NPIPB8: variants seen among roughly 807,000 people sequenced by gnomAD.
NPIPB8 encodes the protein nuclear pore complex-interacting protein family member B8.
Under a neutral mutation model 5.3 loss-of-function variants are expected in NPIPB8, and 3 were observed. The observed-to-expected ratio is 0.57, with a 90% CI of 0.26 to 1.47. NPIPB8 has a LOEUF of 1.47. Ranked by LOEUF, NPIPB8 falls within the 40% of genes most tolerant of loss-of-function variation. NPIPB8 has a pLI of 0.13. For synonymous variants in NPIPB8, 18 were observed against 23.0 expected, an observed-to-expected ratio of 0.78 and a Z score of 0.62; for missense variants, 50 against 50.2, an observed-to-expected ratio of 1.00 and a Z score of 0.01.
intron 2 of NPIPB8, among the ~76,000 whole-genome samples, chr16:28,640,974 TCTC>T (rs2047885644): frequency 6.6e-6 from 1 of 152,064 alleles, no homozygotes; most frequent in African/African-American, 2.4e-5. Context: ...TTCCTGCAAG[TCTC>T]CTGTTCCTTT....
chr16:28,652,546 T>C (rs2048058035), intron 5 of NPIPB8, among the ~76,000 whole-genome samples, 182 bp downstream of exon 5: 1 of 95,342 alleles, frequency 1.0e-5, no homozygotes, highest in Non-Finnish European at 2.1e-5. Context: ...TCCTACATTC[T>C]TGTTTGTAAT....
intron 3 of NPIPB8, among the ~76,000 whole-genome samples, chr16:28,651,628 G>A (rs1369879259): frequency 1.2e-5 from 1 of 81,658 alleles, no homozygotes; most frequent in Non-Finnish European, 2.4e-5. Context: ...GTGTGTGTGT[G>A]TGTGTGTGTG....
At position 28,638,492 on chromosome 16, in the gene NPIPB8, C is replaced by T. The variant is rs1266750733; in HGVS notation, c.120+12C>T. On this transcript the variant is annotated intron_variant, in intron 2 of 7. Transcript: ENST00000683297. ...AGTACCTGAGGAAGGTGAGTGAGTG[C>T]AGACAAGATGGGGCCTGGTGCCCTT... 7 of 1,551,202 alleles carry T rather than the reference C, an allele frequency of 4.5e-6. No homozygotes were observed. The highest frequency in any genetic ancestry group is 2.3e-5 in the East Asian group (1 of 44,140).
chr16:28,642,966 T>C (rs993202969), intron 2 of NPIPB8, among the ~76,000 whole-genome samples: 18 of 152,336 alleles, frequency 1.2e-4, no homozygotes, highest in East Asian at 5.8e-4. Flanking sequence ...AGTTTGGGCA[T>C]ACTCTGTGTG....
intron 5 of NPIPB8, among the ~76,000 whole-genome samples, 156 bp downstream of exon 5, chr16:28,652,520 T>C (rs1441803780): frequency 1.0e-5 from 1 of 99,408 alleles, no homozygotes; most frequent in East Asian, 2.3e-4. Context: ...GTTTAAGCTG[T>C]ATAATTCCTT....
chr16:28,642,392 C>A (rs1358686772), intron 2 of NPIPB8, among the ~76,000 whole-genome samples: 2 of 152,104 alleles, frequency 1.3e-5, no homozygotes, highest in Non-Finnish European at 2.9e-5. Context: ...GTGTGAGCCA[C>A]CATGCCCAGC....
chr16:28,639,495 C>A (rs2047855837), intron 2 of NPIPB8, among the ~76,000 whole-genome samples: 1 of 127,698 alleles, frequency 7.8e-6, no homozygotes, highest in East Asian at 2.2e-4. Context: ...TTCACTCTGT[C>A]CCCCAGGCTG....
intron 2 of NPIPB8, 24 bp downstream of exon 2, chr16:28,638,504 G>A (rs1397194680): frequency 1.9e-6 from 3 of 1,542,324 alleles, no homozygotes; most frequent in South Asian, 1.1e-5. Context: ...GACAAGATGG[G>A]GCCTGGTGCC....
At chr16:28,642,311 G>A (rs952685924) in intron 2 of NPIPB8, among the ~76,000 whole-genome samples, 1 of 151,572 alleles carries the variant, frequency 6.6e-6, no homozygotes, top group African/African-American at 2.4e-5. Flanking sequence ...TCACCATGTT[G>A]GTCAGGCTGG....
intron 2 of NPIPB8, among the ~76,000 whole-genome samples, chr16:28,640,205 T>C (rs1408441542): frequency 1.3e-5 from 2 of 152,002 alleles, no homozygotes; most frequent in South Asian, 2.1e-4. Context: ...GTGGGGTAGA[T>C]GGTGCATGCC....
chr16:28,652,897 C>A lies in NPIPB8; in HGVS notation c.599+533C>A, dbSNP rs920838773. On this transcript the variant is annotated intron_variant, in intron 5 of 7. Coordinates refer to ENST00000683297, the MANE Select transcript of NPIPB8 (RefSeq NM_001310136.2). ...GATTAGAGGTGTGAGCCACCACACC[C>A]AGGCTTTTTTTTTTTTTTTTTTTAA... 1.0e-3 allele frequency among the ~76,000 whole-genome samples: 132 copies of A among 132,232 alleles called. 1 individual carries two copies. In the East Asian group the frequency reaches 0.025, roughly 25 times the overall value. The allele number at this position is 132,232 out of a possible 152,430, so 86.7% of individuals were successfully genotyped here.
At chr16:28,647,819 A>AGT (rs1400910241) in intron 2 of NPIPB8, among the ~76,000 whole-genome samples, 1 of 63,562 alleles carries the variant, frequency 1.6e-5, no homozygotes, top group East Asian at 5.6e-4. Flanking sequence ...TGTTAGTGTT[A>AGT]GTGTATGTTA....
chr16:28,641,001 TG>T (rs2047886102), intron 2 of NPIPB8, among the ~76,000 whole-genome samples: 3 of 152,110 alleles, frequency 2.0e-5, no homozygotes, highest in South Asian at 4.1e-4. Flanking sequence ...ATTGCACAGG[TG>T]AGAGTGCTCA....
chr16:28,641,661 G>A (rs977641794), intron 2 of NPIPB8, among the ~76,000 whole-genome samples: 1 of 132,492 alleles, frequency 7.5e-6, no homozygotes, highest in Non-Finnish European at 1.7e-5. Context: ...GATGCCCTTG[G>A]GAGGTGATGA....
intron 2 of NPIPB8, among the ~76,000 whole-genome samples, chr16:28,642,353 C>A (rs1050181376): frequency 6.6e-6 from 1 of 152,122 alleles, no homozygotes; most frequent in African/African-American, 2.4e-5. Context: ...ATCCACCTAC[C>A]TCAGCCTCCC....
At chr16:28,644,975 TAACA>T (rs1295936430) in intron 2 of NPIPB8, among the ~76,000 whole-genome samples, 2 of 104,182 alleles carry the variant, frequency 1.9e-5, no homozygotes, top group Non-Finnish European at 4.1e-5. Flanking sequence ...CTCTTGTCTC[TAACA>T]AACAAAATGG....
intron 2 of NPIPB8, among the ~76,000 whole-genome samples, chr16:28,642,762 G>A (rs1019239399): frequency 9.2e-5 from 14 of 151,908 alleles, no homozygotes; most frequent in Admixed American, 2.6e-4. Flanking sequence ...GATTACAGGC[G>A]TGAGCCACCA....
intron 2 of NPIPB8, among the ~76,000 whole-genome samples, chr16:28,641,093 G>T (rs903201234): frequency 6.6e-6 from 1 of 151,852 alleles, no homozygotes; most frequent in African/African-American, 2.4e-5. Context: ...GCATTTTCCT[G>T]TGCTAAACAC....
At chr16:28,642,558 C>G (rs567148880) in intron 2 of NPIPB8, among the ~76,000 whole-genome samples, 2 of 151,350 alleles carry the variant, frequency 1.3e-5, no homozygotes, top group South Asian at 2.1e-4. Flanking sequence ...AATCTCGGCT[C>G]ACTGCAGACT....
Sources: allele counts gnomAD v4.1 joint callset (sites outside exome capture counted in the v4.1 genomes callset), GRCh38; gene constraint gnomAD v4.1.1; transcripts MANE v1.5; gene names NCBI Gene and HGNC (gene_info 2026-07-23, HGNC 2026-07-21).